The following VAT1L variants were observed in gnomAD, a reference collection of about 807,000 sequenced individuals.
VAT1L encodes vesicle amine transport 1 like.
VAT1L carries 34 observed loss-of-function variants against 44.1 expected under a neutral mutation model. The ratio of observed to expected loss-of-function variants is 0.77; its 90% CI spans 0.59 to 1.03. The LOEUF (loss-of-function observed/expected upper bound fraction) is 1.03. VAT1L is among the 50% of genes least tolerant of loss of function. The pLI, the probability that VAT1L is intolerant of heterozygous loss-of-function variation, is 0.00. For synonymous variants in VAT1L, 253 were observed against 202.2 expected (o/e 1.25, Z -2.13); for missense variants, 615 against 538.8 (o/e 1.14, Z -1.40).
intron 7 of VAT1L, among the ~76,000 whole-genome samples, chr16:77,963,021 G>A (rs1418775232): frequency 2.0e-5 from 3 of 152,188 alleles, no homozygotes; most frequent in African/African-American, 4.8e-5. Flanking sequence ...AAATCGAGTA[G>A]AGGGCGCTGG....
chr16:77,932,082 T>C (rs939489066), intron 7 of VAT1L, among the ~76,000 whole-genome samples: 1 of 149,880 alleles, frequency 6.7e-6, no homozygotes, highest in Non-Finnish European at 1.5e-5. Flanking sequence ...AAATGCATTA[T>C]ATAAGCCTGA....
At chr16:77,881,690 T>C (rs1487976705) in intron 6 of VAT1L, among the ~76,000 whole-genome samples, 1 of 152,206 alleles carries the variant, frequency 6.6e-6, no homozygotes, top group African/African-American at 2.4e-5. Context: ...ATTTGGGCTT[T>C]AAAATATGGG....
Position 77,926,121 on chromosome 16 carries a change from C to T in VAT1L, c.1077+41319C>T, listed in dbSNP as rs557286209. Among the ~76,000 whole-genome samples the T allele has an allele frequency of 1.3e-4, 19 of 151,330 alleles. No individual in the cohort carries two copies. The East Asian group carries it at 2.3e-3, about 19-fold the overall frequency. On this transcript the variant is annotated intron_variant, in intron 7 of 8. Transcript: ENST00000302536. The stretch of plus-strand genomic sequence containing the variant: ...ACTAAAAATTAGCCAGGCATGGTGG[C>T]GGGCGCCTGTAGTCCCAGCTACTCA...
intron 7 of VAT1L, among the ~76,000 whole-genome samples, chr16:77,918,088 A>G (rs996274707): frequency 2.0e-5 from 3 of 152,278 alleles, no homozygotes; most frequent in African/African-American, 7.2e-5. Flanking sequence ...CATATCCAAT[A>G]AATGTGTGAA....
chr16:77,976,921 A>G (rs1435522898), intron 8 of VAT1L, among the ~76,000 whole-genome samples: 2 of 152,176 alleles, frequency 1.3e-5, no homozygotes, highest in Non-Finnish European at 2.9e-5. Context: ...AAAGCAGATC[A>G]ATACACCTTT....
intron 7 of VAT1L, among the ~76,000 whole-genome samples, chr16:77,898,975 T>C (rs1035214349): frequency 2.6e-5 from 4 of 152,196 alleles, no homozygotes; most frequent in African/African-American, 7.2e-5. Flanking sequence ...ACGCTCCAGT[T>C]AGTCATTTAA....
intron 3 of VAT1L, among the ~76,000 whole-genome samples, chr16:77,846,260 A>G (rs890983350): frequency 2.0e-5 from 3 of 152,300 alleles, no homozygotes; most frequent in Admixed American, 6.5e-5. Flanking sequence ...GTAAGCCATT[A>G]TGCCAGTGAC....
intron 7 of VAT1L, among the ~76,000 whole-genome samples, chr16:77,960,134 T>A (rs2018145560): frequency 6.6e-6 from 1 of 152,136 alleles, no homozygotes; most frequent in South Asian, 2.1e-4. Context: ...GTGGTAATGT[T>A]ACATTTGTTT....
intron 7 of VAT1L, among the ~76,000 whole-genome samples, chr16:77,906,211 G>C (rs905769262): frequency 6.6e-6 from 1 of 152,222 alleles, no homozygotes; most frequent in Non-Finnish European, 1.5e-5. Flanking sequence ...TTGTTTTAAT[G>C]TTGAGAGCCT....
chr16:77,866,826 G>A (rs539296667), intron 4 of VAT1L, among the ~76,000 whole-genome samples: 5 of 152,212 alleles, frequency 3.3e-5, no homozygotes, highest in South Asian at 4.1e-4. Flanking sequence ...AAGCCAAAGC[G>A]TTAGAAACCT....
At chr16:77,886,069 T>G (rs1346233800) in intron 7 of VAT1L, among the ~76,000 whole-genome samples, 1 of 152,192 alleles carries the variant, frequency 6.6e-6, no homozygotes, top group Admixed American at 6.5e-5. Context: ...AAGTCCACAT[T>G]CCAGAGAAGG....
intron 4 of VAT1L, among the ~76,000 whole-genome samples, chr16:77,864,211 T>A (rs564550927): frequency 6.6e-6 from 1 of 152,322 alleles, no homozygotes; most frequent in African/African-American, 2.4e-5. Context: ...GGATTCAGAT[T>A]TGGGCCAGAG....
chr16:77,949,876 C>A (rs968420679), intron 7 of VAT1L, among the ~76,000 whole-genome samples: 2 of 152,184 alleles, frequency 1.3e-5, no homozygotes, highest in African/African-American at 4.8e-5. Context: ...GCTTGTCCTG[C>A]CCTTTGTGAA....
intron 7 of VAT1L, among the ~76,000 whole-genome samples, chr16:77,889,102 A>G (rs1008502562): frequency 3.3e-5 from 5 of 152,132 alleles, no homozygotes; most frequent in African/African-American, 1.2e-4. Context: ...GACTGTAATG[A>G]TTTTTCCCCT....
At chr16:77,937,680 C>T (rs1016903058) in intron 7 of VAT1L, among the ~76,000 whole-genome samples, 2 of 152,218 alleles carry the variant, frequency 1.3e-5, no homozygotes, top group Non-Finnish European at 2.9e-5. Context: ...TGCACTCCTC[C>T]CAGTGAATAG....
intron 3 of VAT1L, among the ~76,000 whole-genome samples, chr16:77,847,734 G>C: frequency 6.6e-6 from 1 of 152,186 alleles, no homozygotes; most frequent in East Asian, 1.9e-4. Context: ...CCAAGTGTCA[G>C]TGACAGTAAG....
At chr16:77,808,033 T>C (rs1487657028) in intron 1 of VAT1L, among the ~76,000 whole-genome samples, 1 of 151,766 alleles carries the variant, frequency 6.6e-6, no homozygotes, top group African/African-American at 2.4e-5. Flanking sequence ...CAGGGCTCCC[T>C]GGGCCACAGA....
At chr16:77,928,960 C>T (rs941761555) in intron 7 of VAT1L, among the ~76,000 whole-genome samples, 5 of 152,062 alleles carry the variant, frequency 3.3e-5, no homozygotes, top group South Asian at 2.1e-4. Context: ...ACTACAGGTG[C>T]GCACCACCAT....
chr16:77,801,311 C>G (rs757109990), intron 1 of VAT1L: 1 of 152,150 alleles, frequency 6.6e-6, no homozygotes, highest in Non-Finnish European at 1.5e-5. Flanking sequence ...ACGTTTCTTT[C>G]CAAAGCCCAT....
Sources: allele counts gnomAD v4.1 joint callset (sites outside exome capture counted in the v4.1 genomes callset), GRCh38; gene constraint gnomAD v4.1.1; transcripts MANE v1.5; gene names NCBI Gene and HGNC (gene_info 2026-07-23, HGNC 2026-07-21).